DCC: variants seen among roughly 807,000 people sequenced by gnomAD.
DCC encodes the protein DCC netrin 1 receptor.
Under a neutral mutation model 172.5 loss-of-function variants are expected in DCC, and 58 were observed. The observed-to-expected ratio is 0.34, with a 90% CI of 0.27 to 0.42. The LOEUF is 0.42. Ranked by LOEUF, DCC falls within the 10% of genes least tolerant of loss-of-function variation. DCC has a pLI of 1.00. For synonymous variants in DCC, 709 were observed against 644.5 expected, an observed-to-expected ratio of 1.10 and a Z score of -1.52; for missense variants, 1,740 against 1,791.0, an observed-to-expected ratio of 0.97 and a Z score of 0.51.
intron 12 of DCC, among the ~76,000 whole-genome samples, chr18:53,300,382 T>C (rs1283790998): frequency 6.6e-6 from 1 of 152,150 alleles, no homozygotes; most frequent in Non-Finnish European, 1.5e-5. Flanking sequence ...AGCACCCTTT[T>C]TGAGGTCCAT....
intron 12 of DCC, among the ~76,000 whole-genome samples, chr18:53,295,936 T>C (rs2057062304): frequency 6.6e-6 from 1 of 152,198 alleles, no homozygotes; most frequent in Non-Finnish European, 1.5e-5. Flanking sequence ...TATTTTGCTG[T>C]ATCCCAAGGT....
At chr18:52,533,163 A>G (rs1356529437) in intron 1 of DCC, among the ~76,000 whole-genome samples, 1 of 152,274 alleles carries the variant, frequency 6.6e-6, no homozygotes, top group East Asian at 1.9e-4. Flanking sequence ...GTATCATCTT[A>G]CATCACCATA....
chr18:52,404,948 T>C (rs992655813), intron 1 of DCC, among the ~76,000 whole-genome samples: 1,552 of 151,882 alleles, frequency 0.01, 19 homozygotes, highest in South Asian at 0.02. Flanking sequence ...TTACTGAGAA[T>C]GATGATTTCC....
In DCC at chr18:53,104,524, A is replaced by ACTT. The variant is rs560444142; in HGVS notation, c.1261+38373_1261+38375dup. On this transcript the variant is annotated intron_variant, in intron 7 of 28. Transcript: ENST00000442544. ...CATGTGGAACTGTAAGTCCATTAAAACTTCTTCTTCTTCTTCTCAGTCTCA... is the reference window on the plus strand; with the variant it reads ...CATGTGGAACTGTAAGTCCATTAAAACTTCTTCTTCTTCTTCTTCTCAGTCTCA... 7.8e-4 allele frequency among the ~76,000 whole-genome samples: 118 copies of ACTT among 151,838 alleles called. No individual in the cohort carries two copies. In the Middle Eastern group the frequency reaches 0.01, roughly 13 times the overall value.
At chr18:53,089,129 A>T (rs1214545345) in intron 7 of DCC, among the ~76,000 whole-genome samples, 5 of 152,134 alleles carry the variant, frequency 3.3e-5, no homozygotes, top group Non-Finnish European at 7.3e-5. Flanking sequence ...TCTGCCTCCC[A>T]GGCTGGAGTG....
At chr18:53,070,214 G>A (rs1476104571) in intron 7 of DCC, among the ~76,000 whole-genome samples, 1 of 152,020 alleles carries the variant, frequency 6.6e-6, no homozygotes, top group African/African-American at 2.4e-5. Flanking sequence ...TAGCCAGGCT[G>A]GTCTCGAACT....
At chr18:52,371,243 C>T (rs2144298036) in intron 1 of DCC, among the ~76,000 whole-genome samples, 1 of 152,130 alleles carries the variant, frequency 6.6e-6, no homozygotes, top group Middle Eastern at 3.4e-3. Flanking sequence ...TAGAGCAGTG[C>T]CTAGGTGCCA....
chr18:52,816,398 C>T (rs893597068), intron 2 of DCC, among the ~76,000 whole-genome samples: 3 of 152,212 alleles, frequency 2.0e-5, no homozygotes, highest in South Asian at 2.1e-4. Flanking sequence ...TGAATGTTCC[C>T]GGCAAGAAAG....
chr18:52,497,280 A>ATAT (rs1307784228), intron 1 of DCC, among the ~76,000 whole-genome samples: 1 of 21,572 alleles, frequency 4.6e-5, no homozygotes, highest in Admixed American at 6.3e-4. Flanking sequence ...AAAAAAAAAA[A>ATAT]ATATATATAT....
At chr18:52,449,109 A>G (rs1988221485) in intron 1 of DCC, among the ~76,000 whole-genome samples, 1 of 152,236 alleles carries the variant, frequency 6.6e-6, no homozygotes, top group Non-Finnish European at 1.5e-5. Flanking sequence ...GGCAACAGGC[A>G]AAAAAGGAGA....
At chr18:52,910,026 G>T (rs977659904) in intron 3 of DCC, among the ~76,000 whole-genome samples, 1 of 152,140 alleles carries the variant, frequency 6.6e-6, no homozygotes, top group Non-Finnish European at 1.5e-5. Flanking sequence ...TGGCTCATAG[G>T]CAGGAAGCGA....
At chr18:52,389,905 A>G (rs1985964364) in intron 1 of DCC, among the ~76,000 whole-genome samples, 1 of 152,120 alleles carries the variant, frequency 6.6e-6, no homozygotes, top group Non-Finnish European at 1.5e-5. Flanking sequence ...TCTTGTATTG[A>G]GAAACTATTA....
At chr18:52,480,800 C>T (rs1019200092) in intron 1 of DCC, among the ~76,000 whole-genome samples, 2 of 152,024 alleles carry the variant, frequency 1.3e-5, no homozygotes, top group African/African-American at 4.8e-5. Context: ...CCCTGTCATC[C>T]AAATTAGCCA....
At position 52,914,512 on chromosome 18, in the gene DCC, G is replaced by A. The variant is rs568819154; in HGVS notation, c.697+8184G>A. On this transcript the variant is annotated intron_variant, in intron 3 of 28. Coordinates refer to ENST00000442544, the MANE Select transcript of DCC (RefSeq NM_005215.4). The stretch of plus-strand genomic sequence containing the variant: ...TCCTAGAGTGGTGAATAATAGCTCC[G>A]GAGAAATGGCTTCTTTCTCCCTCCA... Among the ~76,000 whole-genome samples, 9 of 149,990 alleles carry A rather than the reference G, an allele frequency of 6.0e-5. No homozygotes were observed. In the South Asian group the frequency reaches 1.3e-3, roughly 21 times the overall value.
chr18:52,580,302 G>A (rs1364218506), intron 1 of DCC, among the ~76,000 whole-genome samples: 1 of 152,200 alleles, frequency 6.6e-6, no homozygotes, highest in African/African-American at 2.4e-5. Context: ...CTGTTGCCCA[G>A]GTTGGAGTGC....
chr18:53,384,051 A>C (rs1235527717), intron 15 of DCC, among the ~76,000 whole-genome samples: 1 of 152,150 alleles, frequency 6.6e-6, no homozygotes, highest in Non-Finnish European at 1.5e-5. Flanking sequence ...TCTTTCCTTT[A>C]ACTTAGTCTT....
chr18:53,460,274 GTTTTTTTT>G (rs766940670), intron 24 of DCC, among the ~76,000 whole-genome samples: 466 of 80,990 alleles, frequency 5.8e-3, no homozygotes, highest in African/African-American at 0.022. Context: ...AGGAGCTCCT[GTTTTTTTT>G]TTTTTTTTTT....
At chr18:53,292,677 G>A (rs956279131) in intron 12 of DCC, among the ~76,000 whole-genome samples, 5 of 152,102 alleles carry the variant, frequency 3.3e-5, no homozygotes, top group East Asian at 1.9e-4. Flanking sequence ...TGACAAGAGC[G>A]AAACTCCGTC....
At chr18:52,360,596 G>T (rs1984575820) in intron 1 of DCC, among the ~76,000 whole-genome samples, 1 of 152,118 alleles carries the variant, frequency 6.6e-6, no homozygotes, top group African/African-American at 2.4e-5. Context: ...CCTTACTTGT[G>T]CTTAAGTTGG....
Sources: gnomAD v4.1 joint callset for allele counts (sites outside exome capture counted in the v4.1 genomes callset) on GRCh38, gnomAD v4.1.1 for gene constraint, MANE v1.5 for transcripts, NCBI Gene and HGNC (gene_info 2026-07-23, HGNC 2026-07-21) for gene names.